The following DPP6 variants were observed in gnomAD, a reference collection of about 807,000 sequenced individuals.
The protein encoded by DPP6 is dipeptidyl peptidase like 6.
Under a neutral mutation model 122.6 loss-of-function variants are expected in DPP6, and 69 were observed. That is an observed-to-expected ratio of 0.56 (90% CI 0.46 to 0.69). DPP6 has a LOEUF of 0.69. Among genes scored for constraint, DPP6 ranks in the 30% least tolerant of loss-of-function variants. The pLI is 0.00. For missense variants in DPP6, 928 were observed against 1,116.9 expected, an observed-to-expected ratio of 0.83 and a Z score of 2.41; for synonymous variants, 418 against 433.1, an observed-to-expected ratio of 0.97 and a Z score of 0.43.
chr7:154,507,068 T>C (rs1015733405), intron 3 of DPP6, among the ~76,000 whole-genome samples: 3 of 152,170 alleles, frequency 2.0e-5, no homozygotes, highest in African/African-American at 7.2e-5. Context: ...AGTATATTAG[T>C]CAATCTCCTG....
At chr7:154,100,940 ACCCCAAACGAGGCTCACCTC>A (rs1469495627) in intron 1 of DPP6, among the ~76,000 whole-genome samples, 1 of 142,630 alleles carries the variant, frequency 7.0e-6, no homozygotes, top group Non-Finnish European at 1.6e-5. Context: ...CCTCGTCAAG[ACCCCAAACGAGGCTCACCTC>A]CCCGTGACCG....
intron 6 of DPP6, among the ~76,000 whole-genome samples, chr7:154,656,127 G>T (rs1218922160): frequency 6.6e-6 from 1 of 150,512 alleles, no homozygotes; most frequent in Non-Finnish European, 1.5e-5. Context: ...GATTTTAAAG[G>T]GTGGGCAGAG....
intron 1 of DPP6, among the ~76,000 whole-genome samples, chr7:154,113,891 G>A (rs1037252427): frequency 1.3e-5 from 2 of 152,144 alleles, no homozygotes; most frequent in Admixed American, 6.5e-5. Context: ...AAAGTTAAAC[G>A]CTTTTCCTTT....
chr7:154,236,968 T>C (rs1801256736), intron 1 of DPP6, among the ~76,000 whole-genome samples: 1 of 152,078 alleles, frequency 6.6e-6, no homozygotes, highest in African/African-American at 2.4e-5. Flanking sequence ...TTCCAACCCC[T>C]TTACTCACCC....
At chr7:153,921,105 G>A (rs774661737) in intron 1 of DPP6, among the ~76,000 whole-genome samples, 6 of 152,246 alleles carry the variant, frequency 3.9e-5, no homozygotes, top group East Asian at 3.9e-4. Context: ...AGGAGAAAGC[G>A]AGTGTTAGGA....
At chr7:154,692,914 C>T (rs1373658696) in intron 7 of DPP6, among the ~76,000 whole-genome samples, 1 of 151,932 alleles carries the variant, frequency 6.6e-6, no homozygotes, top group Admixed American at 6.6e-5. Context: ...ATCTCAGCCT[C>T]CCTAGTCACT....
chr7:154,057,190 G>A (rs1800900733), intron 1 of DPP6, among the ~76,000 whole-genome samples: 1 of 152,154 alleles, frequency 6.6e-6, no homozygotes, highest in Non-Finnish European at 1.5e-5. Flanking sequence ...CCTGTTTGAG[G>A]GCCTTGGCAG....
chr7:154,426,355 T>C (rs1337020195), intron 1 of DPP6, among the ~76,000 whole-genome samples: 1 of 152,234 alleles, frequency 6.6e-6, no homozygotes, highest in Non-Finnish European at 1.5e-5. Context: ...AGAACTTTTA[T>C]AGCACAATCT....
chr7:154,083,780 TC>T, intron 1 of DPP6, among the ~76,000 whole-genome samples: 1 of 151,472 alleles, frequency 6.6e-6, no homozygotes, highest in South Asian at 2.1e-4. Context: ...TCCAGCCTGT[TC>T]CTGGGACAGG....
At chr7:154,063,821 A>C (rs532445010) in intron 1 of DPP6, among the ~76,000 whole-genome samples, 4 of 151,478 alleles carry the variant, frequency 2.6e-5, no homozygotes, top group Admixed American at 6.6e-5. Context: ...AGAAAGTTCA[A>C]ATCTTCCGAC....
At chr7:154,296,757 A>T (rs1262773974) in intron 1 of DPP6, among the ~76,000 whole-genome samples, 1 of 152,250 alleles carries the variant, frequency 6.6e-6, no homozygotes, top group African/African-American at 2.4e-5. Flanking sequence ...ACTGTAAGTG[A>T]TAGTGGGTAT....
intron 7 of DPP6, among the ~76,000 whole-genome samples, chr7:154,690,647 G>A (rs1839881906): frequency 6.6e-6 from 1 of 152,082 alleles, no homozygotes; most frequent in Non-Finnish European, 1.5e-5. Flanking sequence ...TCATGAGGCA[G>A]CAAGAGTTGG....
chr7:153,844,005 G>A, the DPP6 span, among the ~76,000 whole-genome samples: 1 of 152,182 alleles, frequency 6.6e-6, no homozygotes, highest in Admixed American at 6.5e-5. Flanking sequence ...CCGTTTATAG[G>A]CTCTCCACAA....
intron 8 of DPP6, among the ~76,000 whole-genome samples, chr7:154,766,488 G>A (rs1357644513): frequency 6.6e-6 from 1 of 151,992 alleles, no homozygotes; most frequent in Non-Finnish European, 1.5e-5. Context: ...TGTATTTTTA[G>A]TACAGACAGG....
chr7:154,736,243 C>T (rs2131394027), intron 8 of DPP6, among the ~76,000 whole-genome samples: 1 of 152,320 alleles, frequency 6.6e-6, no homozygotes, highest in South Asian at 2.1e-4. Context: ...CGTTAGCAGA[C>T]ATTGAGTCCA....
chr7:154,328,682 G>T (rs1478067138), intron 1 of DPP6, among the ~76,000 whole-genome samples: 1 of 152,166 alleles, frequency 6.6e-6, no homozygotes, highest in Non-Finnish European at 1.5e-5. Context: ...GAAAAATCAA[G>T]CCCACAGAAA....
At chr7:154,605,783 T>C (rs1449344895) in intron 5 of DPP6, among the ~76,000 whole-genome samples, 1 of 119,858 alleles carries the variant, frequency 8.3e-6, no homozygotes, top group Non-Finnish European at 1.9e-5. Context: ...AGATAAAATA[T>C]GGCACATTTA....
intron 1 of DPP6, among the ~76,000 whole-genome samples, chr7:154,030,803 C>CA (rs1184154576): frequency 6.6e-6 from 1 of 152,166 alleles, no homozygotes. Flanking sequence ...CTCACACAGC[C>CA]TGATCTGCTG....
At position 154,893,002 on chromosome 7, in the gene DPP6, G is replaced by C; in HGVS notation, c.*522G>C. 2.0e-6 allele frequency: 1 copy of C among 506,026 alleles called. No individual in the cohort carries two copies. Among genetic ancestry groups the C allele is most frequent in the Admixed American group, 2.0e-5 (1 of 51,018 alleles). 31.3% of individuals were successfully genotyped at this position (506,026 alleles called of 1,614,324 possible). A position where few individuals can be genotyped will look rare whatever the true frequency, so the allele number is the denominator to read the frequency against. ...TCCTGTAATGAGGACGTTCAACATGGTGAGGGGCTACAAGAAAACGCTTTT... is the reference window on the plus strand; with the variant it reads ...TCCTGTAATGAGGACGTTCAACATGCTGAGGGGCTACAAGAAAACGCTTTT... On this transcript the variant is annotated 3_prime_UTR_variant, in exon 26 of 26. Transcript: ENST00000377770.
Sources: gnomAD v4.1 joint callset for allele counts (sites outside exome capture counted in the v4.1 genomes callset) on GRCh38, gnomAD v4.1.1 for gene constraint, MANE v1.5 for transcripts, NCBI Gene and HGNC (gene_info 2026-07-23, HGNC 2026-07-21) for gene names.